The following IL4R variants were observed in gnomAD, a reference collection of about 807,000 sequenced individuals.
IL4R encodes interleukin 4 receptor.
IL4R carries 17 observed loss-of-function variants against 41.5 expected under a neutral mutation model. That is an observed-to-expected ratio of 0.41 (90% CI 0.28 to 0.61). IL4R has a LOEUF of 0.61. Ranked by LOEUF, IL4R falls within the 20% of genes least tolerant of loss-of-function variation. The pLI, the probability that IL4R is intolerant of heterozygous loss-of-function variation, is 0.31. For synonymous variants in IL4R, 402 were observed against 422.9 expected (o/e 0.95, Z 0.61); for missense variants, 974 against 1,043.1 (o/e 0.93, Z 0.91).
intron 9 of IL4R, chr16:27,359,909 G>T: frequency 4.6e-6 from 2 of 435,918 alleles, no homozygotes; most frequent in South Asian, 3.2e-5. Context: ...TTGGGGCTGG[G>T]CTCAGCAGTG....
chr16:27,346,637 A>G lies in IL4R; in HGVS notation c.513+19A>G. On this transcript the variant is annotated intron_variant, in intron 6 of 10. Coordinates refer to ENST00000395762, the MANE Select transcript of IL4R (RefSeq NM_000418.4). ...GGCAGATGTGAGTGGGCATGCTTTG[A>G]CGTTTTTCTGTGACCTCTGGGGAAC... 6.2e-7 allele frequency: 1 copy of G among 1,613,344 alleles called. No homozygotes were observed. The highest frequency in any genetic ancestry group is 1.1e-5 in the South Asian group (1 of 91,076).
chr16:27,356,082 TTC>T (rs2086065276), intron 8 of IL4R, among the ~76,000 whole-genome samples, 175 bp downstream of exon 8: 3 of 52,096 alleles, frequency 5.8e-5, no homozygotes, highest in Admixed American at 2.8e-4. Flanking sequence ...CCCCACTTTT[TTC>T]TTTTTTTTTT....
At chr16:27,357,348 C>T (rs573329237) in intron 8 of IL4R, among the ~76,000 whole-genome samples, 25 of 152,314 alleles carry the variant, frequency 1.6e-4, no homozygotes, top group African/African-American at 2.2e-4. Flanking sequence ...GGCGCGGTTA[C>T]GGCTCACTGC....
At chr16:27,360,348 G>A (rs56188488) in intron 9 of IL4R, among the ~76,000 whole-genome samples, 2,042 of 152,332 alleles carry the variant, frequency 0.013, 26 homozygotes, top group African/African-American at 0.034. Context: ...CAGTGCAGGT[G>A]CCTGAGCCAT....
At chr16:27,358,800 C>T (rs1167181835) in intron 8 of IL4R, 116 bp from the exon 9 acceptor site, 1 of 747,488 alleles carries the variant, frequency 1.3e-6, no homozygotes, top group Non-Finnish European at 2.4e-6. Context: ...CCTCCAGAAA[C>T]TAATCAGCCT....
At chr16:27,326,376 C>G (rs2084955199) in intron 1 of IL4R, among the ~76,000 whole-genome samples, 1 of 152,162 alleles carries the variant, frequency 6.6e-6, no homozygotes, top group Admixed American at 6.5e-5. Context: ...CACGGCAGCT[C>G]ATGCCTGTAG....
chr16:27,338,236 T>G lies in IL4R; in HGVS notation c.-18-1950T>G, dbSNP rs139458076. 7.9e-5 allele frequency among the ~76,000 whole-genome samples: 12 copies of G among 151,858 alleles called. No homozygotes were observed. In the East Asian group the frequency reaches 2.1e-3, roughly 27 times the overall value. ...TCCCAAACTTTCTGTTTTCTTTTCTTTTCTTTTTTTTTTATGACAGGGTCT... is the reference window on the plus strand; with the variant it reads ...TCCCAAACTTTCTGTTTTCTTTTCTGTTCTTTTTTTTTTATGACAGGGTCT... On this transcript the variant is annotated intron_variant, in intron 2 of 10. Coordinates refer to ENST00000395762, the MANE Select transcript of IL4R (RefSeq NM_000418.4).
intron 6 of IL4R, among the ~76,000 whole-genome samples, chr16:27,349,742 G>A (rs976636933): frequency 5.3e-5 from 8 of 152,066 alleles, no homozygotes; most frequent in Non-Finnish European, 8.8e-5. Context: ...TGGCAGGGCT[G>A]AGTTTTTGTT....
chr16:27,350,339 T>C (rs1365727370), intron 6 of IL4R, among the ~76,000 whole-genome samples: 1 of 152,098 alleles, frequency 6.6e-6, no homozygotes. Context: ...GTGAGAATTT[T>C]CTCTCCCTTC....
intron 2 of IL4R, among the ~76,000 whole-genome samples, chr16:27,331,645 G>A (rs1433377292): frequency 6.6e-6 from 1 of 152,020 alleles, no homozygotes; most frequent in African/African-American, 2.4e-5. Flanking sequence ...TCCTTCCAAA[G>A]GGATGCCAAG....
chr16:27,354,940 C>A, intron 7 of IL4R: 1 of 438,468 alleles, frequency 2.3e-6, no homozygotes, highest in Non-Finnish European at 5.0e-6. Flanking sequence ...AATTGATTCT[C>A]ATCTGCCATT....
intron 2 of IL4R, among the ~76,000 whole-genome samples, chr16:27,333,248 G>T (rs968065440): frequency 1.3e-5 from 2 of 149,980 alleles, no homozygotes; most frequent in Non-Finnish European, 3.0e-5. Flanking sequence ...TGGAGATTTT[G>T]CAGATGATAA....
intron 7 of IL4R, among the ~76,000 whole-genome samples, chr16:27,353,240 T>C (rs2141183276): frequency 6.6e-6 from 1 of 152,340 alleles, no homozygotes; most frequent in Middle Eastern, 3.4e-3. Flanking sequence ...GGAGGATCAC[T>C]TGAGCCCAGG....
intron 4 of IL4R, among the ~76,000 whole-genome samples, chr16:27,344,465 G>A (rs1049064006): frequency 1.3e-5 from 2 of 151,810 alleles, no homozygotes; most frequent in Admixed American, 6.6e-5. Context: ...GGCCTAGCCC[G>A]TGAGATGTGG....
chr16:27,363,628 T>C lies in IL4R; in HGVS notation c.2276T>C (p.Leu759Pro). ...AGGTCCTCGCCCCCTACAACCCCCC[T>C]GAGGGCCCCAGACCCCTCTCCAGGT... Reference protein sequence around the residue: ...GDRSSPPTTPLRAPDPSPGGV... With the variant: ...GDRSSPPTTPPRAPDPSPGGV... The change falls in exon 11 of 11, where the codon CTG becomes CCG. Residue 759 changes from leucine (L) to proline (P), a missense_variant. This residue lies in a region of IL4R where 682 missense variants were observed against 704.3 expected (regional missense o/e 0.97). Transcript: ENST00000395762. 6.2e-7 allele frequency: 1 copy of C among 1,611,294 alleles called. No homozygotes were observed.
Position 27,362,942 on chromosome 16 carries a change from G to A in IL4R, c.1590G>A (p.Met530Ile), listed in dbSNP as rs1303810155. The change falls in exon 11 of 11, where the codon ATG becomes ATA. Residue 530 changes from methionine (M) to isoleucine (I), a missense_variant. Met to Ile is a conservative substitution (Grantham distance 10). This residue lies in a region of IL4R where 682 missense variants were observed against 704.3 expected (regional missense o/e 0.97). Coordinates refer to ENST00000395762, the MANE Select transcript of IL4R (RefSeq NM_000418.4). ...ACCTGGAGGAAGTAGAACCCGAGAT[G>A]CCCTGTGTCCCCCAGCTCTCTGAGC... ...ARHLEEVEPE[M>I]PCVPQLSEPT... is the part of the protein sequence containing the mutation. The A allele has an allele frequency of 1.9e-6, 3 of 1,614,186 alleles. No individual in the cohort carries two copies. Among genetic ancestry groups the A allele is most frequent in the East Asian group, 2.2e-5 (1 of 44,890 alleles).
chr16:27,362,403 C>G lies in IL4R; in HGVS notation c.1051C>G (p.Leu351Val), dbSNP rs142898853. ...WCPVEISKTV[L>V]WPESISVVRC... ...CCCAGTGGAGATCAGCAAGACAGTC[C>G]TCTGGCCAGAGAGCATCAGCGTGGT... Residue 351 changes from leucine to valine, a missense_variant, in exon 11 of 11, where the codon CTC becomes GTC. Leu to Val is a conservative substitution (Grantham distance 32, BLOSUM62 1). This residue lies in a region of IL4R where 682 missense variants were observed against 704.3 expected (regional missense o/e 0.97). Coordinates refer to ENST00000395762, the MANE Select transcript of IL4R (RefSeq NM_000418.4). 65 of 1,614,000 alleles carry G rather than the reference C, an allele frequency of 4.0e-5. No individual in the cohort carries two copies. Among genetic ancestry groups the G allele is most frequent in the Non-Finnish European group, 5.3e-5 (63 of 1,180,034 alleles).
Position 27,345,967 on chromosome 16 carries a change from G to A in IL4R, c.362-500G>A, listed in dbSNP as rs559075912. Among the ~76,000 whole-genome samples, 8 of 152,128 alleles carry A rather than the reference G, an allele frequency of 5.3e-5. No homozygotes were observed. In the South Asian group the frequency reaches 6.2e-4, roughly 12 times the overall value. On this transcript the variant is annotated intron_variant, in intron 5 of 10. Transcript: ENST00000395762. The surrounding 1 kb of genome is among the most constrained non-coding windows in gnomAD (Gnocchi z 4.5). ...AGCCTGGGCGACAGAGTGAGATTACGTCTCAAAAAAATAAAAATAAATAAA... is the reference window on the plus strand; with the variant it reads ...AGCCTGGGCGACAGAGTGAGATTACATCTCAAAAAAATAAAAATAAATAAA...
In IL4R at chr16:27,320,466, G is replaced by A. The variant is rs1210251790; in HGVS notation, c.-152+6446G>A. 2.0e-5 allele frequency among the ~76,000 whole-genome samples: 3 copies of A among 152,166 alleles called. No individual in the cohort carries two copies. In the South Asian group the frequency reaches 6.2e-4, roughly 31 times the overall value. On this transcript the variant is annotated intron_variant, in intron 1 of 10. Coordinates refer to ENST00000395762, the MANE Select transcript of IL4R (RefSeq NM_000418.4). ...GCTGGGTGCAGGAATGGAGATGAGT[G>A]GGTGTCCTGCTCATTTCCCTGAGGA...
Sources: gnomAD v4.1 joint callset for allele counts (sites outside exome capture counted in the v4.1 genomes callset) on GRCh38, gnomAD v4.1.1 for gene constraint, gnomAD v4.1.1 regional missense constraint, Gnocchi (gnomAD v3.1) non-coding constraint, MANE v1.5 for transcripts, NCBI Gene and HGNC (gene_info 2026-07-23, HGNC 2026-07-21) for gene names.